PIK3CB: variants seen among roughly 807,000 people sequenced by gnomAD.
PIK3CB encodes the protein phosphatidylinositol 4,5-bisphosphate 3-kinase catalytic subunit beta isoform.
A neutral mutation model predicts 136.8 loss-of-function variants in PIK3CB; 39 were observed. That is an observed-to-expected ratio of 0.29 (90% CI 0.22 to 0.37). The LOEUF (loss-of-function observed/expected upper bound fraction) is 0.37. Ranked by LOEUF, PIK3CB falls within the 10% of genes least tolerant of loss-of-function variation. The pLI is 1.00. For synonymous variants in PIK3CB, 428 were observed against 436.6 expected (o/e 0.98, Z 0.25); for missense variants, 868 against 1,275.4 (o/e 0.68, Z 4.87).
At chr3:138,761,553 C>A (rs1559868093) in intron 2 of PIK3CB, among the ~76,000 whole-genome samples, 1 of 152,284 alleles carries the variant, frequency 6.6e-6, no homozygotes, top group East Asian at 1.9e-4. Context: ...AGGTGGATCA[C>A]AAGGTCAGGA....
intron 4 of PIK3CB, among the ~76,000 whole-genome samples, chr3:138,750,112 C>CA (rs2045439637): frequency 6.6e-6 from 1 of 152,016 alleles, no homozygotes; most frequent in South Asian, 2.1e-4. Context: ...ATCCTGGGCT[C>CA]AAGTGATCCA....
chr3:138,694,615 T>A (rs531268193), intron 14 of PIK3CB, among the ~76,000 whole-genome samples, 171 bp downstream of exon 14: 1 of 152,260 alleles, frequency 6.6e-6, no homozygotes, highest in East Asian at 1.9e-4. Context: ...TGGTTTTTTT[T>A]TTCTAGTATA....
rs2046147721 is a variant in PIK3CB at position 138,799,471 on chromosome 3, G to A, written c.-121-2904C>T. On this transcript the variant is annotated intron_variant, in intron 1 of 23. Coordinates refer to ENST00000674063, the MANE Select transcript of PIK3CB (RefSeq NM_006219.3). ...AATCTTACCTCTCTACAATTAATCC[G>A]CACCAGATCAACCAGAATGTACCTT... is the stretch of plus-strand genomic sequence containing the variant. Among the ~76,000 whole-genome samples the A allele has an allele frequency of 4.6e-5, 7 of 151,684 alleles. No homozygotes were observed. In the South Asian group the frequency reaches 1.0e-3, roughly 23 times the overall value.
In PIK3CB at chr3:138,654,857, C is replaced by T. The variant is rs2043165975; in HGVS notation, c.*532G>A. On this transcript the variant is annotated 3_prime_UTR_variant, in exon 24 of 24. Transcript: ENST00000674063. ...TATTAACAAAAGAATTAATGAGTATCCACAGGTTTACAAGATTTCTTCTGG... is the reference window on the plus strand; with the variant it reads ...TATTAACAAAAGAATTAATGAGTATTCACAGGTTTACAAGATTTCTTCTGG... The T allele has an allele frequency of 4.8e-6, 1 of 209,624 alleles. No homozygotes were observed. The highest frequency in any genetic ancestry group is 9.7e-6 in the Non-Finnish European group (1 of 103,268). 13.0% of individuals were successfully genotyped at this position (209,624 alleles called of 1,614,324 possible).
intron 13 of PIK3CB, among the ~76,000 whole-genome samples, chr3:138,695,683 G>T (rs1056900161): frequency 2.0e-5 from 3 of 151,668 alleles, no homozygotes; most frequent in African/African-American, 7.3e-5. Context: ...ATATTTTTGC[G>T]AAAACAATAC....
intron 2 of PIK3CB, among the ~76,000 whole-genome samples, chr3:138,784,271 A>T (rs1189442277): frequency 6.6e-6 from 1 of 152,186 alleles, no homozygotes; most frequent in Admixed American, 6.5e-5. Context: ...CTGTAATTCC[A>T]GCTACTTGGG....
intron 4 of PIK3CB, among the ~76,000 whole-genome samples, chr3:138,750,377 T>G (rs2045446310): frequency 6.6e-6 from 1 of 152,154 alleles, no homozygotes; most frequent in African/African-American, 2.4e-5. Flanking sequence ...GGGGTGGTTT[T>G]GGGATGAAAC....
chr3:138,797,407 CT>C (rs2108831441), intron 1 of PIK3CB, among the ~76,000 whole-genome samples: 1 of 152,246 alleles, frequency 6.6e-6, no homozygotes, highest in East Asian at 1.9e-4. Context: ...ATGAGGGGTC[CT>C]GCGTGACTGC....
At chr3:138,733,548 T>C (rs1035315172) in intron 7 of PIK3CB, 110 bp from the exon 8 acceptor site, 1 of 574,590 alleles carries the variant, frequency 1.7e-6, no homozygotes, top group South Asian at 2.3e-5. Context: ...ACTATGAAAA[T>C]AGAGCTCTAA....
intron 20 of PIK3CB, among the ~76,000 whole-genome samples, chr3:138,664,375 T>C (rs1325595576): frequency 6.6e-6 from 1 of 152,188 alleles, no homozygotes; most frequent in Non-Finnish European, 1.5e-5. Context: ...TTAGTTAGTT[T>C]TGACCAAAGA....
chr3:138,696,703 T>C (rs1314581237), intron 13 of PIK3CB, among the ~76,000 whole-genome samples: 2 of 152,162 alleles, frequency 1.3e-5, no homozygotes, highest in Non-Finnish European at 2.9e-5. Context: ...GAAATACTGA[T>C]ATAAAGACAT....
intron 16 of PIK3CB, among the ~76,000 whole-genome samples, chr3:138,687,412 C>T (rs776253083): frequency 6.6e-5 from 10 of 152,090 alleles, no homozygotes; most frequent in Non-Finnish European, 1.5e-4. Context: ...GAATTTTACT[C>T]ATAGTGCAAT....
At chr3:138,809,119 C>CA (rs1036950110) in intron 1 of PIK3CB, among the ~76,000 whole-genome samples, 23 of 148,444 alleles carry the variant, frequency 1.5e-4, no homozygotes, top group East Asian at 6.0e-4. Flanking sequence ...ACTAAAAATG[C>CA]AAAAAAAAAT....
chr3:138,805,718 T>G (rs754013346), intron 1 of PIK3CB, among the ~76,000 whole-genome samples: 2 of 151,428 alleles, frequency 1.3e-5, no homozygotes, highest in Non-Finnish European at 2.9e-5. Context: ...ATCTTCTCTT[T>G]TGTTGTTGTT....
Position 138,759,271 on chromosome 3 carries a change from C to T in PIK3CB, c.73G>A (p.Ala25Thr), listed in dbSNP as rs374448453. Residue 25 changes from alanine (A) to threonine (T), a missense_variant, in exon 3 of 24, where the codon GCA becomes ACA. Transcript: ENST00000674063. ...TCCACAGGTATGGAGCCATCAGATGCTATCTGTGAATCCACCGCCCAGATG... is the reference window on the plus strand; with the variant it reads ...TCCACAGGTATGGAGCCATCAGATGTTATCTGTGAATCCACCGCCCAGATG... The part of the protein sequence containing the change: ...LDIWAVDSQI[A>T]SDGSIPVDFL... The T allele has an allele frequency of 2.0e-5, 33 of 1,613,078 alleles. No individual in the cohort carries two copies. The highest frequency in any genetic ancestry group is 4.5e-5 in the East Asian group (2 of 44,890).
chr3:138,784,692 A>G (rs2045956137), intron 2 of PIK3CB, among the ~76,000 whole-genome samples: 1 of 152,146 alleles, frequency 6.6e-6, no homozygotes, highest in African/African-American at 2.4e-5. Context: ...GGGCCTCCCG[A>G]GGTGCTGGGA....
At chr3:138,755,643 C>A (rs1451545509) in intron 4 of PIK3CB, 111 bp downstream of exon 4, 2 of 573,022 alleles carry the variant, frequency 3.5e-6, no homozygotes, top group Non-Finnish European at 6.1e-6. Context: ...TACAGATCAG[C>A]AGTGGTCCAT....
At chr3:138,774,181 T>C (rs2045832037) in intron 2 of PIK3CB, among the ~76,000 whole-genome samples, 1 of 152,336 alleles carries the variant, frequency 6.6e-6, no homozygotes, top group East Asian at 1.9e-4. Flanking sequence ...AAATACCTAT[T>C]GCAAAGCAAA....
intron 19 of PIK3CB, among the ~76,000 whole-genome samples, chr3:138,674,135 A>G (rs2043596705): frequency 6.6e-6 from 1 of 151,828 alleles, no homozygotes; most frequent in African/African-American, 2.4e-5. Flanking sequence ...CATATGGTGC[A>G]CTGAAAAGCT....
Sources: allele counts gnomAD v4.1 joint callset (sites outside exome capture counted in the v4.1 genomes callset), GRCh38; gene constraint gnomAD v4.1.1; transcripts MANE v1.5; gene names NCBI Gene and HGNC (gene_info 2026-07-23, HGNC 2026-07-21).